The following NFIX variants were observed in gnomAD, a reference collection of about 807,000 sequenced individuals.
NFIX encodes nuclear factor I X.
Under a neutral mutation model 53.3 loss-of-function variants are expected in NFIX, and 2 were observed. The observed-to-expected ratio is 0.04, with a 90% CI of 0.02 to 0.12. NFIX has a LOEUF of 0.12. Among genes scored for constraint, NFIX ranks in the 10% least tolerant of loss-of-function variants. NFIX has a pLI of 1.00. For missense variants in NFIX, 310 were observed against 674.5 expected (o/e 0.46, Z 5.99); for synonymous variants, 244 against 289.0 (o/e 0.84, Z 1.58).
At chr19:13,061,617 C>T (rs764971750) in intron 2 of NFIX, among the ~76,000 whole-genome samples, 1 of 152,198 alleles carries the variant, frequency 6.6e-6, no homozygotes, top group Non-Finnish European at 1.5e-5. Context: ...GCGCCGCTCC[C>T]TGAGCCGTGC....
Position 13,040,122 on chromosome 19 carries a change from A to AT in NFIX, c.559+14574dup, listed in dbSNP as rs1344977170. 1.3e-5 allele frequency among the ~76,000 whole-genome samples: 2 copies of AT among 152,142 alleles called. No individual in the cohort carries two copies. Among genetic ancestry groups the AT allele is most frequent in the Non-Finnish European group, 2.9e-5 (2 of 68,006 alleles). On this transcript the variant is annotated intron_variant, in intron 2 of 10. Coordinates refer to ENST00000592199, the MANE Select transcript of NFIX (RefSeq NM_001365902.3). This position sits in a 1 kb window ranked among gnomAD's most constrained non-coding sequence, Gnocchi z 4.2. Reference sequence around the variant, plus strand: ...TTGGTTTTTCAAAATACTTGTTTTTATTTTATGTGAATGAGCTCTCAGGAA... The same window carrying AT: ...TTGGTTTTTCAAAATACTTGTTTTTATTTTTATGTGAATGAGCTCTCAGGAA...
At chr19:13,024,881 GA>G in intron 1 of NFIX, 139 bp from the exon 2 acceptor site, 1 of 1,313,614 alleles carries the variant, frequency 7.6e-7, no homozygotes, top group Non-Finnish European at 1.1e-6. Context: ...TTGTTGGGGG[GA>G]GGGAGGAGGA....
At chr19:13,057,276 G>C (rs149468910) in intron 2 of NFIX, among the ~76,000 whole-genome samples, 49 of 152,230 alleles carry the variant, frequency 3.2e-4, no homozygotes, top group Non-Finnish European at 6.0e-4. Flanking sequence ...TGTGCAGAGC[G>C]GGGAGCGAGC....
chr19:13,044,129 G>C (rs2014826395), intron 2 of NFIX, among the ~76,000 whole-genome samples: 1 of 152,150 alleles, frequency 6.6e-6, no homozygotes, highest in Non-Finnish European at 1.5e-5. Context: ...TCAGGCCCTG[G>C]GTAGTGGGAG....
At chr19:13,063,493 T>C (rs897721400) in intron 2 of NFIX, among the ~76,000 whole-genome samples, 4 of 145,478 alleles carry the variant, frequency 2.7e-5, no homozygotes, top group East Asian at 2.2e-4. Context: ...TTTTTTTTTT[T>C]CTTCGCCCAA....
In NFIX at chr19:13,009,806, ATG is replaced by A. The variant is rs2012229882; in HGVS notation, c.27+13947_27+13948del. Among the ~76,000 whole-genome samples, 1 of 152,216 alleles carries A rather than the reference ATG, an allele frequency of 6.6e-6. No individual in the cohort carries two copies. The highest frequency in any genetic ancestry group is 6.5e-5 in the Admixed American group (1 of 15,290). On this transcript the variant is annotated intron_variant, in intron 1 of 10. Transcript: ENST00000592199. This position sits in a 1 kb window ranked among gnomAD's most constrained non-coding sequence, Gnocchi z 4.7. ...CAGTAGCACTAGGCTTGAGTGTCTG[ATG>A]TGTGAGTGGCCATGTGGACGGCTGG...
chr19:13,050,277 C>A (rs1384750026), intron 2 of NFIX, among the ~76,000 whole-genome samples: 1 of 152,342 alleles, frequency 6.6e-6, no homozygotes, highest in East Asian at 1.9e-4. Context: ...TGTGCTATTC[C>A]TGCCTTTGGG....
At position 13,027,446 on chromosome 19, in the gene NFIX, G is replaced by A. The variant is rs1191760113; in HGVS notation, c.559+1894G>A. ...GTGACTGGTGGCTTGCAGAAGGCTC[G>A]GAGCCTCGAGCTTACCAGTGTGGCC... is the stretch of plus-strand genomic sequence containing the variant. On this transcript the variant is annotated intron_variant, in intron 2 of 10. Transcript: ENST00000592199. The surrounding 1 kb of genome is among the most constrained non-coding windows in gnomAD (Gnocchi z 4.3). Among the ~76,000 whole-genome samples the A allele has an allele frequency of 1.3e-5, 2 of 152,126 alleles. No individual in the cohort carries two copies. The highest frequency in any genetic ancestry group is 6.5e-5 in the Admixed American group (1 of 15,274).
chr19:13,027,687 A>G lies in NFIX; in HGVS notation c.559+2135A>G, dbSNP rs2013478126. On this transcript the variant is annotated intron_variant, in intron 2 of 10. Transcript: ENST00000592199. The surrounding 1 kb of genome is among the most constrained non-coding windows in gnomAD (Gnocchi z 4.3). ...GCCAGTGTGGGGCTAAGGTAGGATG[A>G]AAAGTATGTGAGGAAGCAGACCGTT... 6.6e-6 allele frequency among the ~76,000 whole-genome samples: 1 copy of G among 152,138 alleles called. No individual in the cohort carries two copies. The highest frequency in any genetic ancestry group is 1.5e-5 in the Non-Finnish European group (1 of 68,016).
In NFIX at chr19:13,097,857, C is replaced by A. The variant is rs1599901905; in HGVS notation, c.*3208C>A. The A allele has an allele frequency of 6.6e-6, 1 of 151,680 alleles. No individual in the cohort carries two copies. The highest frequency in any genetic ancestry group is 2.1e-4 in the South Asian group (1 of 4,724). The allele number at this position is 151,680 out of a possible 1,614,324, so 9.4% of individuals were successfully genotyped here. ...CCCGCCCCCATTCAACATCTCTCAT[C>A]CTATCCCCGACCCCCTCCGGGGAAC... On this transcript the variant is annotated 3_prime_UTR_variant, in exon 11 of 11. Coordinates refer to ENST00000592199, the MANE Select transcript of NFIX (RefSeq NM_001365902.3).
intron 2 of NFIX, among the ~76,000 whole-genome samples, chr19:13,047,777 G>A (rs767621592): frequency 6.6e-6 from 1 of 152,118 alleles, no homozygotes; most frequent in Non-Finnish European, 1.5e-5. Flanking sequence ...TCTCTCTCCT[G>A]GCTTTCCATC....
At chr19:13,054,827 C>T (rs574576879) in intron 2 of NFIX, among the ~76,000 whole-genome samples, 35 of 152,208 alleles carry the variant, frequency 2.3e-4, no homozygotes, top group Admixed American at 1.6e-3. Context: ...AGAACACTTT[C>T]GAATGTCAGC....
At chr19:13,019,597 T>G (rs2012851431) in intron 1 of NFIX, among the ~76,000 whole-genome samples, 1 of 152,086 alleles carries the variant, frequency 6.6e-6, no homozygotes, top group Admixed American at 6.5e-5. Flanking sequence ...TCTCTCTATT[T>G]CTCTTTCTCC....
At position 13,011,878 on chromosome 19, in the gene NFIX, G is replaced by C. The variant is rs11881230; in HGVS notation, c.28-13143G>C. 6.6e-6 allele frequency among the ~76,000 whole-genome samples: 1 copy of C among 151,982 alleles called. No homozygotes were observed. Among genetic ancestry groups the C allele is most frequent in the East Asian group, 1.9e-4 (1 of 5,178 alleles). The stretch of plus-strand genomic sequence containing the variant: ...GACCCGCTGCAACTGACTCAAGACT[G>C]GGGGGAGGGGGCTCATGGAGGTAGA... On this transcript the variant is annotated intron_variant, in intron 1 of 10. Coordinates refer to ENST00000592199, the MANE Select transcript of NFIX (RefSeq NM_001365902.3). The surrounding 1 kb of genome is among the most constrained non-coding windows in gnomAD (Gnocchi z 6.5).
chr19:13,083,447 T>G (rs552857022), intron 8 of NFIX, among the ~76,000 whole-genome samples: 13 of 152,294 alleles, frequency 8.5e-5, no homozygotes, highest in Middle Eastern at 3.4e-3. Context: ...AGTGGGTCAT[T>G]TAGTCCCCTG....
chr19:13,088,365 C>T lies in NFIX; in HGVS notation c.1402+229C>T, dbSNP rs993298945. 6.6e-6 allele frequency among the ~76,000 whole-genome samples: 1 copy of T among 152,134 alleles called. No individual in the cohort carries two copies. Among genetic ancestry groups the T allele is most frequent in the African/African-American group, 2.4e-5 (1 of 41,436 alleles). On this transcript the variant is annotated intron_variant, in intron 9 of 10. Coordinates refer to ENST00000592199, the MANE Select transcript of NFIX (RefSeq NM_001365902.3). This position sits in a 1 kb window ranked among gnomAD's most constrained non-coding sequence, Gnocchi z 5.9. ...CCTGCCCGCTGCTCCCAGCCGGGGC[C>T]CCTGGCCCAGGCCCCTCTGGGGGGC...
intron 10 of NFIX, among the ~76,000 whole-genome samples, chr19:13,091,794 C>T (rs1162358120): frequency 6.6e-6 from 1 of 152,258 alleles, no homozygotes; most frequent in Non-Finnish European, 1.5e-5. Flanking sequence ...CTCCTGCTGC[C>T]TGCCTGGGCT....
rs2017957777 is a variant in NFIX at position 13,088,812 on chromosome 19, A to T, written c.1402+676A>T. On this transcript the variant is annotated intron_variant, in intron 9 of 10. Coordinates refer to ENST00000592199, the MANE Select transcript of NFIX (RefSeq NM_001365902.3). The surrounding 1 kb of genome is among the most constrained non-coding windows in gnomAD (Gnocchi z 5.9). ...GAGGGAGGGCTGTGGGCTTTGGCTT[A>T]CTTCATCTCTCTCTCTGTCTCTCTT... Among the ~76,000 whole-genome samples, 1 of 151,400 alleles carries T rather than the reference A, an allele frequency of 6.6e-6. No homozygotes were observed.
intron 2 of NFIX, among the ~76,000 whole-genome samples, chr19:13,041,273 C>T (rs1224525671): frequency 6.6e-6 from 1 of 152,154 alleles, no homozygotes; most frequent in Non-Finnish European, 1.5e-5. Context: ...CGTACAGTCC[C>T]TCATCTGTCC....
Sources: allele counts gnomAD v4.1 joint callset (sites outside exome capture counted in the v4.1 genomes callset), GRCh38; gene constraint gnomAD v4.1.1; non-coding constraint Gnocchi (gnomAD v3.1); transcripts MANE v1.5; gene names NCBI Gene and HGNC (gene_info 2026-07-23, HGNC 2026-07-21).